PSTK: variants seen among roughly 807,000 people sequenced by gnomAD.
PSTK encodes phosphoseryl-tRNA kinase, also known as L-seryl-tRNA(Sec) kinase.
Under a neutral mutation model 38.6 loss-of-function variants are expected in PSTK, and 26 were observed. The ratio of observed to expected loss-of-function variants is 0.67; its 90% CI spans 0.49 to 0.94. PSTK has a LOEUF of 0.94. Among genes scored for constraint, PSTK ranks in the 40% least tolerant of loss-of-function variants. PSTK has a pLI of 0.00. For missense variants in PSTK, 445 were observed against 436.3 expected (o/e 1.02, Z -0.18); for synonymous variants, 181 against 161.7 (o/e 1.12, Z -0.91).
At chr10:122,986,645 C>T (rs1247857839) in intron 4 of PSTK, among the ~76,000 whole-genome samples, 1 of 152,124 alleles carries the variant, frequency 6.6e-6, no homozygotes, top group Non-Finnish European at 1.5e-5. Context: ...GGGTTTTTTT[C>T]TGGGAGAGTC....
intron 5 of PSTK, among the ~76,000 whole-genome samples, chr10:122,989,844 T>C (rs907886246): frequency 3.3e-5 from 5 of 152,240 alleles, no homozygotes; most frequent in African/African-American, 4.8e-5. Flanking sequence ...TAAATTGTCA[T>C]CTATTTCTGC....
At chr10:122,988,734 G>T (rs1035584833) in intron 5 of PSTK, among the ~76,000 whole-genome samples, 1 of 152,168 alleles carries the variant, frequency 6.6e-6, no homozygotes, top group African/African-American at 2.4e-5. Flanking sequence ...TCCAAGTGTT[G>T]AGGATGTGTA....
intron 5 of PSTK, among the ~76,000 whole-genome samples, chr10:122,988,397 A>G (rs928112411): frequency 2.0e-4 from 31 of 152,084 alleles, no homozygotes; most frequent in African/African-American, 7.0e-4. Flanking sequence ...CCATATATAT[A>G]TACATATATT....
At chr10:122,983,739 T>G (rs952460653) in intron 3 of PSTK, 1 of 398,918 alleles carries the variant, frequency 2.5e-6, no homozygotes, top group East Asian at 4.6e-5. Flanking sequence ...ACATCTTTGA[T>G]TCTCTTGCTA....
intron 1 of PSTK, chr10:122,982,522 C>T: frequency 1.8e-6 from 1 of 558,316 alleles, no homozygotes; most frequent in East Asian, 2.9e-5. Flanking sequence ...ATGGTTGAGT[C>T]TGAGAAAGCT....
intron 5 of PSTK, 50 bp from the exon 6 acceptor site, chr10:122,990,124 C>T (rs901925786): frequency 1.5e-5 from 19 of 1,250,708 alleles, no homozygotes; most frequent in South Asian, 1.0e-4. Flanking sequence ...TTAGACACCC[C>T]GGATTACTTT....
At chr10:122,987,587 A>G (rs1849053364) in intron 5 of PSTK, 1 of 1,531,492 alleles carries the variant, frequency 6.5e-7, no homozygotes, top group African/African-American at 1.4e-5. Flanking sequence ...ATAAATCTGA[A>G]TTTATATAAT....
chr10:122,986,541 A>C (rs1229048956), intron 4 of PSTK, 166 bp downstream of exon 4: 1 of 629,544 alleles, frequency 1.6e-6, no homozygotes, highest in Non-Finnish European at 2.8e-6. Flanking sequence ...GGCAAAGCCG[A>C]TTGTTAAACT....
chr10:122,990,273 A>G lies in PSTK; in HGVS notation c.977A>G (p.Tyr326Cys). The change falls in exon 6 of 6, where the codon TAT becomes TGT. Residue 326 changes from tyrosine (Y) to cysteine (C), a missense_variant. Coordinates refer to ENST00000406217, the MANE Select transcript of PSTK (RefSeq NM_001363531.2). The stretch of plus-strand genomic sequence containing the variant: ...GACCTAAAACAAGGAAACAAAAAAT[A>G]TCTGTGCTTTCAGCAAACCATTGAC... ...LEDLKQGNKKYLCFQQTIDIP... is the reference protein window; with the variant it reads ...LEDLKQGNKKCLCFQQTIDIP... 6.5e-7 allele frequency: 1 copy of G among 1,540,726 alleles called. No individual in the cohort carries two copies. The highest frequency in any genetic ancestry group is 8.7e-7 in the Non-Finnish European group (1 of 1,143,792).
intron 5 of PSTK, chr10:122,987,337 AT>A (rs1480841107): frequency 3.2e-5 from 52 of 1,613,370 alleles, no homozygotes; most frequent in Non-Finnish European, 4.3e-5. Flanking sequence ...TAAAAAGGTA[AT>A]CAGGAAGCCT....
rs1385351665 is a variant in PSTK, at chr10:122,980,692, G to C, written c.213G>C (p.Pro71=). 3 of 1,557,570 alleles carry C rather than the reference G, an allele frequency of 1.9e-6. No homozygotes were observed. Among genetic ancestry groups the C allele is most frequent in the Non-Finnish European group, 2.6e-6 (3 of 1,154,094 alleles). ...DAFLAGARAR[P]APSQWKLLRQ... ...TTCTCGCCGGGGCAAGAGCGCGACC[G>C]GCGGTCAGCACGGAGGGGCGGGGCC... is the stretch of plus-strand genomic sequence containing the variant. Residue 71 remains proline (P), a synonymous_variant, in exon 1 of 6, where the codon CCG becomes CCC. Transcript: ENST00000406217. The surrounding 1 kb of genome is among the most constrained non-coding windows in gnomAD (Gnocchi z 4.3).
intron 5 of PSTK, chr10:122,987,316 G>C (rs772828789): frequency 1.2e-6 from 2 of 1,605,044 alleles, no homozygotes; most frequent in Non-Finnish European, 8.5e-7. Flanking sequence ...AGTGATGGGA[G>C]GATTTATTTT....
chr10:122,987,014 C>A (rs1167157880), intron 5 of PSTK, 52 bp downstream of exon 5: 9 of 1,150,024 alleles, frequency 7.8e-6, no homozygotes, highest in Non-Finnish European at 1.1e-5. Flanking sequence ...CTTTCTACTG[C>A]TACTGTTATT....
chr10:122,984,592 C>G (rs1429534200), intron 3 of PSTK: 1 of 152,360 alleles, frequency 6.6e-6, no homozygotes, highest in Non-Finnish European at 1.5e-5. Context: ...GTGGCTCACA[C>G]CTGTGATCCC....
At position 122,986,375 on chromosome 10, in the gene PSTK, G is replaced by T. The variant is rs1183012619; in HGVS notation, c.783G>T (p.Lys261Asn). The T allele has an allele frequency of 2.5e-6, 4 of 1,597,824 alleles. No homozygotes were observed. Among genetic ancestry groups the T allele is most frequent in the Non-Finnish European group, 3.4e-6 (4 of 1,165,290 alleles). ...ATGCTGAGGACAATATGGAACAAAA[G>T]GTAAACTTCCAGTGTAAATTTAATG... ...VKYAEDNMEQ[K>N]DTDRIICSTN... is the part of the protein sequence containing the mutation. The change falls in exon 4 of 6, where the codon AAG becomes AAT. Residue 261 changes from lysine to asparagine, a missense_variant and splice_region_variant. Physicochemically the swap from Lys to Asn is moderately conservative, Grantham distance 94. Transcript: ENST00000406217.
chr10:122,987,609 G>A, intron 5 of PSTK: 1 of 1,445,424 alleles, frequency 6.9e-7, no homozygotes. Context: ...GATGAAATAT[G>A]TGGTAACTAG....
At chr10:122,985,057 CTTAAAACTTT>C (rs1490941688) in intron 3 of PSTK, 1 of 152,248 alleles carries the variant, frequency 6.6e-6, no homozygotes, top group Non-Finnish European at 1.5e-5. Flanking sequence ...AGCTCACTCG[CTTAAAACTTT>C]TTAGTGCCAC....
rs77793072 is a variant in PSTK at position 122,980,426 on chromosome 10, C to T, written c.-54C>T. 6.7e-6 allele frequency: 10 copies of T among 1,491,972 alleles called. No individual in the cohort carries two copies. The highest frequency in any genetic ancestry group is 5.0e-5 in the East Asian group (2 of 39,986). 92.4% of individuals were successfully genotyped at this position (1,491,972 alleles called of 1,614,324 possible). A position where few individuals can be genotyped will look rare whatever the true frequency, so the allele number is the denominator to read the frequency against. Reference sequence around the variant, plus strand: ...GGAGACGCTGCGCGTGCGCGCAGGGCAGACGGTAGAGCGGAGACGACGCTC... The same window carrying T: ...GGAGACGCTGCGCGTGCGCGCAGGGTAGACGGTAGAGCGGAGACGACGCTC... On this transcript the variant is annotated 5_prime_UTR_variant, in exon 1 of 6. Transcript: ENST00000406217. This position sits in a 1 kb window ranked among gnomAD's most constrained non-coding sequence, Gnocchi z 4.3.
intron 5 of PSTK, among the ~76,000 whole-genome samples, chr10:122,988,235 A>G (rs1448286677): frequency 1.3e-5 from 2 of 152,136 alleles, no homozygotes. Context: ...AATAAGACAA[A>G]AAATAGTTCC....
Sources: allele counts gnomAD v4.1 joint callset (sites outside exome capture counted in the v4.1 genomes callset), GRCh38; gene constraint gnomAD v4.1.1; non-coding constraint Gnocchi (gnomAD v3.1); transcripts MANE v1.5; gene names NCBI Gene and HGNC (gene_info 2026-07-23, HGNC 2026-07-21).